BMAL2: variants seen among roughly 807,000 people sequenced by gnomAD.
The protein encoded by BMAL2 is basic helix-loop-helix ARNT like 2, also known as basic helix-loop-helix ARNT-like protein 2.
chr12:27,351,961 T>G, the BMAL2 span, among the ~76,000 whole-genome samples: 1 of 152,216 alleles, frequency 6.6e-6, no homozygotes, highest in African/African-American at 2.4e-5. Flanking sequence ...CATTTACTAT[T>G]TCATAAGTAA....
At chr12:27,380,257 A>G in the BMAL2 span, 1 of 1,614,138 alleles carries the variant, frequency 6.2e-7, no homozygotes, top group Non-Finnish European at 8.5e-7. Context: ...AGAAGCTCAT[A>G]GCCAAACTGA....
the BMAL2 span, chr12:27,385,636 T>C: frequency 1.0e-6 from 1 of 972,056 alleles, no homozygotes; most frequent in South Asian, 1.4e-5. Flanking sequence ...TTTTCTTCCA[T>C]TTGCTTCCTG....
the BMAL2 span, among the ~76,000 whole-genome samples, chr12:27,398,590 A>G: frequency 6.6e-6 from 1 of 152,196 alleles, no homozygotes; most frequent in East Asian, 1.9e-4. Flanking sequence ...TAGCTGATCA[A>G]ATGAATTGCA....
chr12:27,376,990 A>G, the BMAL2 span, among the ~76,000 whole-genome samples: 132 of 129,910 alleles, frequency 1.0e-3, 1 homozygote, highest in Middle Eastern at 0.062. Context: ...GACAGAGCAA[A>G]ACTCCGTCTC....
At chr12:27,395,268 C>T in the BMAL2 span, among the ~76,000 whole-genome samples, 2 of 152,214 alleles carry the variant, frequency 1.3e-5, no homozygotes, top group Non-Finnish European at 2.9e-5. Flanking sequence ...TGGGCTCCTC[C>T]TCCTTTCTGT....
At chr12:27,354,672 G>A in the BMAL2 span, among the ~76,000 whole-genome samples, 1 of 152,174 alleles carries the variant, frequency 6.6e-6, no homozygotes, top group Non-Finnish European at 1.5e-5. Flanking sequence ...TGTATAAAGT[G>A]TATATGAAAC....
the BMAL2 span, among the ~76,000 whole-genome samples, chr12:27,356,247 G>T: frequency 6.6e-6 from 1 of 152,322 alleles, no homozygotes; most frequent in African/African-American, 2.4e-5. Context: ...TTGCTAGGAA[G>T]ACTAATTTCA....
chr12:27,342,311 A>G, the BMAL2 span, among the ~76,000 whole-genome samples: 2 of 152,262 alleles, frequency 1.3e-5, no homozygotes, highest in African/African-American at 4.8e-5. Flanking sequence ...CAGAAACTCT[A>G]TATATCAAAA....
At chr12:27,380,472 G>T in the BMAL2 span, 2 of 1,554,634 alleles carry the variant, frequency 1.3e-6, no homozygotes, top group Admixed American at 1.7e-5. Flanking sequence ...TCTCTGATTG[G>T]TTCGCTTTGC....
chr12:27,357,670 A>C, the BMAL2 span, among the ~76,000 whole-genome samples: 2 of 152,350 alleles, frequency 1.3e-5, 1 homozygote, highest in South Asian at 4.1e-4. Context: ...GAAAATAGGC[A>C]CACAAACCGA....
At chr12:27,366,082 G>A in the BMAL2 span, among the ~76,000 whole-genome samples, 2 of 151,666 alleles carry the variant, frequency 1.3e-5, no homozygotes, top group South Asian at 2.1e-4. Flanking sequence ...ATTATTTGTG[G>A]GTTTCTTAAT....
the BMAL2 span, among the ~76,000 whole-genome samples, chr12:27,352,966 A>T: frequency 2.0e-5 from 3 of 152,220 alleles, no homozygotes; most frequent in African/African-American, 7.2e-5. Context: ...ATGCTCATGG[A>T]TAGGAAGAAT....
chr12:27,358,667 G>C, the BMAL2 span, among the ~76,000 whole-genome samples: 2 of 152,068 alleles, frequency 1.3e-5, no homozygotes, highest in African/African-American at 4.8e-5. Flanking sequence ...CCTTATCTCT[G>C]TGTTCTTGCA....
the BMAL2 span, among the ~76,000 whole-genome samples, chr12:27,352,117 CA>C: frequency 1.3e-5 from 2 of 152,136 alleles, no homozygotes; most frequent in Non-Finnish European, 1.5e-5. Context: ...CTTTGTACAA[CA>C]GTCTTTGTGT....
At chr12:27,410,893 G>A in the BMAL2 span, among the ~76,000 whole-genome samples, 1 of 151,880 alleles carries the variant, frequency 6.6e-6, no homozygotes, top group Non-Finnish European at 1.5e-5. Context: ...AAATTTAATT[G>A]TATAAAAATT....
At chr12:27,376,938 T>C in the BMAL2 span, among the ~76,000 whole-genome samples, 3 of 141,800 alleles carry the variant, frequency 2.1e-5, no homozygotes, top group African/African-American at 8.0e-5. Context: ...GAGGCAGAGC[T>C]TGCAGTGAGC....
At chr12:27,359,988 G>C in the BMAL2 span, among the ~76,000 whole-genome samples, 2 of 147,558 alleles carry the variant, frequency 1.4e-5, no homozygotes, top group African/African-American at 5.0e-5. Flanking sequence ...AGGAGGTGGA[G>C]TTTGCAGTGA....
the BMAL2 span, among the ~76,000 whole-genome samples, chr12:27,418,473 C>T: frequency 6.6e-6 from 1 of 151,886 alleles, no homozygotes; most frequent in Admixed American, 6.6e-5. Context: ...GGCATGATGG[C>T]TCATGTCTAT....
chr12:27,338,655 G>GGTCT, the BMAL2 span, among the ~76,000 whole-genome samples: 11 of 152,222 alleles, frequency 7.2e-5, no homozygotes, highest in African/African-American at 2.7e-4. Context: ...TCCCCTCCAA[G>GGTCT]GTCTGTGATG....
Sources: allele counts gnomAD v4.1 joint callset (sites outside exome capture counted in the v4.1 genomes callset), GRCh38; gene constraint gnomAD v4.1.1; transcripts MANE v1.5; gene names NCBI Gene and HGNC (gene_info 2026-07-23, HGNC 2026-07-21).